The following CAMTA1 variants were observed in gnomAD, a reference collection of about 807,000 sequenced individuals.
The protein encoded by CAMTA1 is calmodulin-binding transcription activator 1.
Under a neutral mutation model 170.9 loss-of-function variants are expected in CAMTA1, and 27 were observed. The ratio of observed to expected loss-of-function variants is 0.16; its 90% CI spans 0.12 to 0.22. The LOEUF is 0.22. CAMTA1 is among the 10% of genes least tolerant of loss of function. The pLI is 1.00. For missense variants in CAMTA1, 1,619 were observed against 2,217.2 expected (o/e 0.73, Z 5.42); for synonymous variants, 833 against 891.5 (o/e 0.93, Z 1.17).
intron 5 of CAMTA1, among the ~76,000 whole-genome samples, chr1:7,396,159 G>A (rs2089290365): frequency 6.6e-6 from 1 of 152,158 alleles, no homozygotes; most frequent in African/African-American, 2.4e-5. Context: ...GCAGTAATGA[G>A]GGAATTCGTG....
intron 3 of CAMTA1, among the ~76,000 whole-genome samples, chr1:7,002,471 G>T (rs1439498900): frequency 1.2e-4 from 19 of 152,182 alleles, no homozygotes; most frequent in Admixed American, 1.2e-3. Context: ...TGTTTAAATT[G>T]TGTGTTGGCC....
chr1:7,718,758 T>C (rs2149756766), intron 11 of CAMTA1, among the ~76,000 whole-genome samples: 2 of 151,920 alleles, frequency 1.3e-5, no homozygotes, highest in African/African-American at 4.8e-5. Flanking sequence ...GGTTTCCCCA[T>C]GTTTCTCAGG....
intron 4 of CAMTA1, among the ~76,000 whole-genome samples, chr1:7,165,235 A>T (rs1242219235): frequency 1.3e-5 from 2 of 152,208 alleles, no homozygotes; most frequent in African/African-American, 2.4e-5. Context: ...TCATAAGATG[A>T]TACCTACAGA....
intron 4 of CAMTA1, among the ~76,000 whole-genome samples, chr1:7,244,287 T>C (rs1388916485): frequency 6.6e-6 from 1 of 152,232 alleles, no homozygotes; most frequent in Non-Finnish European, 1.5e-5. Context: ...TTTTACACTG[T>C]TAGTGGGACT....
chr1:7,696,742 C>T (rs1286426611), intron 11 of CAMTA1, among the ~76,000 whole-genome samples: 1 of 152,062 alleles, frequency 6.6e-6, no homozygotes, highest in Non-Finnish European at 1.5e-5. Context: ...ACTGGGGTCT[C>T]CTGAGCACCT....
rs1705131526 is a variant in CAMTA1, at chr1:7,044,919, TA to T, written c.235-46380del. 2.0e-5 allele frequency among the ~76,000 whole-genome samples: 3 copies of T among 151,328 alleles called. 1 individual carries two copies. The South Asian group carries it at 6.2e-4, about 32-fold the overall frequency. Reference sequence around the variant, plus strand: ...GATTAAAAAAAAAAATCCCCCAAAATAAAAACTCATACTTGTTTCTATGGGC... The same window carrying T: ...GATTAAAAAAAAAAATCCCCCAAAATAAAACTCATACTTGTTTCTATGGGC... On this transcript the variant is annotated intron_variant, in intron 3 of 22. Coordinates refer to ENST00000303635, the MANE Select transcript of CAMTA1 (RefSeq NM_015215.4). This position sits in a 1 kb window ranked among gnomAD's most constrained non-coding sequence, Gnocchi z 5.0.
intron 6 of CAMTA1, among the ~76,000 whole-genome samples, chr1:7,568,818 C>T (rs558411598): frequency 6.7e-6 from 1 of 150,180 alleles, no homozygotes; most frequent in Non-Finnish European, 1.5e-5. Flanking sequence ...TCACCATCAT[C>T]GTCATCACCA....
chr1:7,579,242 C>T (rs572050523), intron 6 of CAMTA1, among the ~76,000 whole-genome samples: 12 of 152,372 alleles, frequency 7.9e-5, no homozygotes, highest in African/African-American at 2.9e-4. Context: ...CCTTTGGACA[C>T]TTTGACCATT....
chr1:7,171,067 A>G (rs1262763679), intron 4 of CAMTA1, among the ~76,000 whole-genome samples: 3 of 152,126 alleles, frequency 2.0e-5, no homozygotes, highest in Admixed American at 1.3e-4. Flanking sequence ...TCCCCTTTTA[A>G]TGGTGGATTT....
chr1:7,241,738 C>A (rs1395706877), intron 4 of CAMTA1, among the ~76,000 whole-genome samples: 1 of 152,110 alleles, frequency 6.6e-6, no homozygotes, highest in Non-Finnish European at 1.5e-5. Flanking sequence ...GGTGCTGGGA[C>A]AATTGGATAT....
intron 6 of CAMTA1, among the ~76,000 whole-genome samples, chr1:7,529,965 A>T (rs1195077022): frequency 2.0e-5 from 3 of 152,212 alleles, no homozygotes; most frequent in Non-Finnish European, 4.4e-5. Context: ...TTGGAGGGGC[A>T]TCTGCTGCCC....
chr1:7,529,611 C>T (rs923507661), intron 6 of CAMTA1, among the ~76,000 whole-genome samples: 2 of 152,180 alleles, frequency 1.3e-5, no homozygotes, highest in African/African-American at 4.8e-5. Flanking sequence ...CCCTGCTCCT[C>T]TGTGATACTT....
intron 3 of CAMTA1, among the ~76,000 whole-genome samples, chr1:6,966,492 A>G (rs1691569543): frequency 6.6e-6 from 1 of 151,992 alleles, no homozygotes; most frequent in African/African-American, 2.4e-5. Flanking sequence ...TTCCAGGTTC[A>G]TTTATGCTGT....
intron 6 of CAMTA1, among the ~76,000 whole-genome samples, chr1:7,639,211 C>T (rs2095740836): frequency 6.6e-6 from 1 of 151,882 alleles, no homozygotes; most frequent in South Asian, 2.1e-4. Flanking sequence ...GATCTTCTGA[C>T]CTCGTGATCC....
intron 6 of CAMTA1, among the ~76,000 whole-genome samples, chr1:7,515,084 G>T (rs894082380): frequency 6.7e-6 from 1 of 149,364 alleles, no homozygotes; most frequent in Non-Finnish European, 1.5e-5. Flanking sequence ...GGTCCTCCCC[G>T]GCTCCCTCCA....
Position 6,887,755 on chromosome 1 carries a change from T to C in CAMTA1, c.234+62545T>C, listed in dbSNP as rs1673630463. 3 of 1,534,810 alleles carry C rather than the reference T, an allele frequency of 2.0e-6. No homozygotes were observed. The highest frequency in any genetic ancestry group is 2.0e-5 in the Admixed American group (1 of 50,928). ...TTGGAATGAAAGCTGGCAGAATTCGTAGGGAGAGCTTTCCCATCCTGCCAG... is the reference window on the plus strand; with the variant it reads ...TTGGAATGAAAGCTGGCAGAATTCGCAGGGAGAGCTTTCCCATCCTGCCAG... On this transcript the variant is annotated intron_variant, in intron 3 of 22. Coordinates refer to ENST00000303635, the MANE Select transcript of CAMTA1 (RefSeq NM_015215.4). The surrounding 1 kb of genome is among the most constrained non-coding windows in gnomAD (Gnocchi z 4.1).
chr1:7,679,582 C>CCCA (rs1553246539), intron 11 of CAMTA1, among the ~76,000 whole-genome samples: 2 of 151,736 alleles, frequency 1.3e-5, no homozygotes, highest in African/African-American at 4.9e-5. Flanking sequence ...GCTGCCCCCC[C>CCCA]CCCCAGAACT....
chr1:6,900,173 A>T (rs1333873033), intron 3 of CAMTA1, among the ~76,000 whole-genome samples: 1 of 152,252 alleles, frequency 6.6e-6, no homozygotes, highest in South Asian at 2.1e-4. Context: ...ATGCTGCTTC[A>T]TTGCTTGGTA....
chr1:7,019,002 G>A (rs1331583117), intron 3 of CAMTA1, among the ~76,000 whole-genome samples: 1 of 152,158 alleles, frequency 6.6e-6, no homozygotes, highest in African/African-American at 2.4e-5. Context: ...TCCTTCCCTG[G>A]TTCTGTGCAC....
Sources: allele counts gnomAD v4.1 joint callset (sites outside exome capture counted in the v4.1 genomes callset), GRCh38; gene constraint gnomAD v4.1.1; non-coding constraint Gnocchi (gnomAD v3.1); transcripts MANE v1.5; gene names NCBI Gene and HGNC (gene_info 2026-07-23, HGNC 2026-07-21).